The following CNOT4 variants were observed in gnomAD, a reference collection of about 807,000 sequenced individuals.
The protein encoded by CNOT4 is CCR4-NOT transcription complex subunit 4.
Under a neutral mutation model 73.8 loss-of-function variants are expected in CNOT4, and 8 were observed. The observed-to-expected ratio is 0.11, with a 90% CI of 0.06 to 0.20. The LOEUF is 0.20. Ranked by LOEUF, CNOT4 falls within the 10% of genes least tolerant of loss-of-function variation. The probability of loss-of-function intolerance (pLI) is 1.00; values close to 1 mark genes in which losing one functional copy is unlikely to be tolerated. For missense variants in CNOT4, 564 were observed against 883.4 expected (o/e 0.64, Z 4.58); for synonymous variants, 293 against 321.1 (o/e 0.91, Z 0.94).
At chr7:135,474,433 T>C (rs1801858993) in intron 1 of CNOT4, among the ~76,000 whole-genome samples, 1 of 151,860 alleles carries the variant, frequency 6.6e-6, no homozygotes, top group Non-Finnish European at 1.5e-5. Flanking sequence ...TACAGGTGGG[T>C]GCCACTACAT....
chr7:135,470,646 T>C (rs967507002), intron 1 of CNOT4, among the ~76,000 whole-genome samples: 1 of 151,080 alleles, frequency 6.6e-6, no homozygotes, highest in African/African-American at 2.4e-5. Flanking sequence ...TTCAACAGAA[T>C]ACTAAATACT....
chr7:135,453,847 T>TATATATATATAA (rs1554438701), intron 1 of CNOT4, among the ~76,000 whole-genome samples: 5 of 119,374 alleles, frequency 4.2e-5, no homozygotes, highest in African/African-American at 1.2e-4. Flanking sequence ...TATATATATA[T>TATATATATATAA]TATATATATA....
Position 135,422,212 on chromosome 7 carries a change from C to G in CNOT4, c.316G>C (p.Val106Leu). 1.9e-6 allele frequency: 3 copies of G among 1,611,770 alleles called. No homozygotes were observed. The highest frequency in any genetic ancestry group is 2.5e-6 in the Non-Finnish European group (3 of 1,177,962). ...ACAACAAAGACGAGGTTTTTTTGTA[C>G]GACACGTACACTAGCCAAATGTTTG... The part of the protein sequence containing the change: ...NRKHLASVRV[V>L]QKNLVFVVGL... The change falls in exon 3 of 12, where the codon GTA (valine) becomes CTA (leucine). Residue 106 changes from valine (V) to leucine (L), a missense_variant. This residue lies in a region of CNOT4 where 76 missense variants were observed against 208.7 expected (regional missense o/e 0.36). Transcript: ENST00000541284.
At chr7:135,480,732 C>A (rs1802321020) in intron 1 of CNOT4, among the ~76,000 whole-genome samples, 1 of 152,068 alleles carries the variant, frequency 6.6e-6, no homozygotes, top group Non-Finnish European at 1.5e-5. Context: ...TTGTTCCTGG[C>A]TATAAGCTTA....
chr7:135,461,135 AT>A (rs916259556), intron 1 of CNOT4, among the ~76,000 whole-genome samples: 1 of 152,122 alleles, frequency 6.6e-6, no homozygotes, highest in Admixed American at 6.5e-5. Context: ...TTACCCCACA[AT>A]TTTAGGTGGT....
chr7:135,370,287 A>G (rs544740512), intron 10 of CNOT4, among the ~76,000 whole-genome samples: 48 of 152,284 alleles, frequency 3.2e-4, no homozygotes, highest in Middle Eastern at 3.4e-3. Flanking sequence ...AGTCAAAACA[A>G]CAACAACAAA....
At chr7:135,428,123 T>C (rs1193507745) in intron 2 of CNOT4, among the ~76,000 whole-genome samples, 1 of 152,128 alleles carries the variant, frequency 6.6e-6, no homozygotes, top group African/African-American at 2.4e-5. Context: ...GAGAAATTGT[T>C]GAAATCAACC....
chr7:135,443,592 C>T (rs979789430), intron 1 of CNOT4, among the ~76,000 whole-genome samples: 4 of 152,022 alleles, frequency 2.6e-5, no homozygotes, highest in African/African-American at 9.7e-5. Flanking sequence ...AAGAATAAAA[C>T]GACATTACTT....
intron 7 of CNOT4, among the ~76,000 whole-genome samples, chr7:135,406,059 A>G (rs539564372): frequency 6.6e-6 from 1 of 152,228 alleles, no homozygotes; most frequent in African/African-American, 2.4e-5. Flanking sequence ...GGAAAGAGTT[A>G]CACTGCTCAT....
At chr7:135,508,568 A>G (rs1271014916) in intron 1 of CNOT4, among the ~76,000 whole-genome samples, 1 of 152,244 alleles carries the variant, frequency 6.6e-6, no homozygotes, top group Non-Finnish European at 1.5e-5. Context: ...TCTGATAACT[A>G]TCATCCTAGA....
chr7:135,395,867 G>C lies in CNOT4; in HGVS notation c.896C>G (p.Thr299Arg), dbSNP rs201613355. The C allele has an allele frequency of 1.2e-6, 2 of 1,604,974 alleles. No individual in the cohort carries two copies. Among genetic ancestry groups the C allele is most frequent in the Admixed American group, 1.7e-5 (1 of 59,998 alleles). ...DNSQQISNSD[T>R]PSPPPGLSKS... ...TGACAAACCAGGTGGTGGTGAAGGCGTATCACTGTTAGATATCTGAATAAA... is the reference window on the plus strand; with the variant it reads ...TGACAAACCAGGTGGTGGTGAAGGCCTATCACTGTTAGATATCTGAATAAA... Residue 299 changes from threonine to arginine, a missense_variant, in exon 9 of 12, where the codon ACG becomes AGG. Around this residue, in one of 10 missense-constraint regions of CNOT4, gnomAD observed 135 missense variants for 154.0 expected, o/e 0.88. Transcript: ENST00000541284.
intron 2 of CNOT4, among the ~76,000 whole-genome samples, chr7:135,422,925 C>T (rs1015552497): frequency 6.6e-6 from 1 of 151,984 alleles, no homozygotes; most frequent in Non-Finnish European, 1.5e-5. Context: ...CTACTAATGC[C>T]AGGGCTACCA....
intron 1 of CNOT4, among the ~76,000 whole-genome samples, chr7:135,488,608 G>A (rs748188825): frequency 5.3e-5 from 8 of 152,164 alleles, no homozygotes; most frequent in Admixed American, 1.3e-4. Flanking sequence ...ATGAGTCAGT[G>A]CAGGTGTTTT....
chr7:135,497,181 G>A (rs962646990), intron 1 of CNOT4, among the ~76,000 whole-genome samples: 2 of 151,942 alleles, frequency 1.3e-5, no homozygotes, highest in Non-Finnish European at 2.9e-5. Context: ...GCCGAGGCAG[G>A]CGGATTGCTT....
intron 10 of CNOT4, among the ~76,000 whole-genome samples, chr7:135,380,588 C>T (rs1039123183): frequency 2.6e-5 from 4 of 152,146 alleles, no homozygotes; most frequent in Non-Finnish European, 4.4e-5. Flanking sequence ...TCATTGTTTG[C>T]AATGAATTCA....
intron 10 of CNOT4, chr7:135,388,985 CATAT>C (rs767693824): frequency 1.4e-5 from 17 of 1,215,144 alleles, no homozygotes; most frequent in Non-Finnish European, 2.0e-5. Context: ...AATACTGATA[CATAT>C]ATAAAATACA....
intron 1 of CNOT4, among the ~76,000 whole-genome samples, chr7:135,445,741 TA>T (rs1323642026): frequency 1.3e-5 from 2 of 152,140 alleles, no homozygotes; most frequent in African/African-American, 2.4e-5. Context: ...TGTATAATAA[TA>T]AAAAAAGACT....
At chr7:135,467,093 T>G (rs1801268229) in intron 1 of CNOT4, among the ~76,000 whole-genome samples, 1 of 152,206 alleles carries the variant, frequency 6.6e-6, no homozygotes, top group Non-Finnish European at 1.5e-5. Context: ...AAACTCAAGT[T>G]TAACTCTTTT....
intron 1 of CNOT4, among the ~76,000 whole-genome samples, chr7:135,479,912 A>T (rs1317420709): frequency 6.6e-6 from 1 of 152,164 alleles, no homozygotes; most frequent in African/African-American, 2.4e-5. Flanking sequence ...CAAAACAAAA[A>T]GAATTTGAGA....
Sources: allele counts gnomAD v4.1 joint callset (sites outside exome capture counted in the v4.1 genomes callset), GRCh38; gene constraint gnomAD v4.1.1; regional missense constraint gnomAD v4.1.1; transcripts MANE v1.5; gene names NCBI Gene and HGNC (gene_info 2026-07-23, HGNC 2026-07-21).